LUZP2: variants seen among roughly 807,000 people sequenced by gnomAD.
LUZP2 encodes the protein leucine zipper protein 2.
In LUZP2, 52 loss-of-function variants were observed where a neutral mutation model predicts 51.6. The observed-to-expected ratio is 1.01, with a 90% CI of 0.81 to 1.27. LUZP2 has a LOEUF of 1.27. Ranked by LOEUF, LUZP2 falls within the 50% of genes most tolerant of loss-of-function variation. The pLI, the probability that LUZP2 is intolerant of heterozygous loss-of-function variation, is 0.00. For missense variants in LUZP2, 436 were observed against 395.4 expected (o/e 1.10, Z -0.87); for synonymous variants, 154 against 137.3 (o/e 1.12, Z -0.85).
intron 10 of LUZP2, among the ~76,000 whole-genome samples, chr11:25,073,360 A>G (rs1859209835): frequency 6.6e-6 from 1 of 152,100 alleles, no homozygotes; most frequent in South Asian, 2.1e-4. Context: ...GAATCTATAA[A>G]CTCATATTAT....
chr11:24,999,485 AAGAG>A (rs1856612340), intron 9 of LUZP2, among the ~76,000 whole-genome samples: 1 of 150,026 alleles, frequency 6.7e-6, no homozygotes, highest in African/African-American at 2.5e-5. Flanking sequence ...AAAGAAGAAG[AAGAG>A]AGAAAGAGAA....
chr11:24,721,013 T>C (rs570261692), intron 1 of LUZP2, among the ~76,000 whole-genome samples: 1 of 152,302 alleles, frequency 6.6e-6, no homozygotes, highest in East Asian at 1.9e-4. Context: ...AAAGCCTGAG[T>C]TGAAGCAGTT....
In LUZP2 at chr11:24,922,825, C is replaced by CTTTTTTTTTTTTTTTTTTTT. The variant is rs1277388215; in HGVS notation, c.522+8298_522+8299insTTTTTTTTTTTTTTTTTTTT. 9.0e-5 allele frequency among the ~76,000 whole-genome samples: 4 copies of CTTTTTTTTTTTTTTTTTTTT among 44,624 alleles called. 1 individual carries two copies. Among genetic ancestry groups the CTTTTTTTTTTTTTTTTTTTT allele is most frequent in the Non-Finnish European group, 2.6e-4 (4 of 15,582 alleles). 29.3% of individuals were successfully genotyped at this position (44,624 alleles called of 152,430 possible). On this transcript the variant is annotated intron_variant, in intron 7 of 11. Coordinates refer to ENST00000336930, the MANE Select transcript of LUZP2 (RefSeq NM_001009909.4). Reference sequence around the variant, plus strand: ...GGACTACCAAGTGGCACAGTTATATCTTTTTTTTTTTCTTTTTTTTTTTTT... The same window carrying CTTTTTTTTTTTTTTTTTTTT: ...GGACTACCAAGTGGCACAGTTATATCTTTTTTTTTTTTTTTTTTTTTTTTTTTTTTTCTTTTTTTTTTTTT...
chr11:24,537,624 T>C (rs1369263746), intron 1 of LUZP2, among the ~76,000 whole-genome samples: 2 of 143,054 alleles, frequency 1.4e-5, no homozygotes, highest in Non-Finnish European at 3.1e-5. Context: ...GCCCCCTTTT[T>C]TATAGCTTTT....
At chr11:24,907,505 T>C (rs145302697) in intron 6 of LUZP2, among the ~76,000 whole-genome samples, 21 of 152,238 alleles carry the variant, frequency 1.4e-4, no homozygotes, top group African/African-American at 5.1e-4. Flanking sequence ...TCTTTGTATT[T>C]TTCTATTTGA....
At chr11:25,015,943 T>TGGA (rs1238443876) in intron 9 of LUZP2, among the ~76,000 whole-genome samples, 1 of 150,278 alleles carries the variant, frequency 6.7e-6, no homozygotes, top group African/African-American at 2.5e-5. Context: ...TTTTTTGAGA[T>TGGA]GGAGTCTCTC....
chr11:24,710,653 C>A (rs2133929405), intron 1 of LUZP2, among the ~76,000 whole-genome samples: 1 of 152,260 alleles, frequency 6.6e-6, no homozygotes, highest in African/African-American at 2.4e-5. Context: ...TTTCTTTAAT[C>A]ACAACAAATT....
intron 1 of LUZP2, among the ~76,000 whole-genome samples, chr11:24,710,385 C>T (rs768465197): frequency 5.3e-5 from 8 of 151,952 alleles, no homozygotes; most frequent in Non-Finnish European, 1.0e-4. Flanking sequence ...AATATTGCTC[C>T]TATCAGTCAC....
At chr11:24,514,577 TGCAGG>T (rs1190174265) in intron 1 of LUZP2, among the ~76,000 whole-genome samples, 3 of 152,194 alleles carry the variant, frequency 2.0e-5, no homozygotes, top group Non-Finnish European at 4.4e-5. Context: ...TGTGGGGAAT[TGCAGG>T]GTACCATCGT....
At chr11:25,075,112 G>A (rs1859263285) in intron 10 of LUZP2, among the ~76,000 whole-genome samples, 1 of 152,134 alleles carries the variant, frequency 6.6e-6, no homozygotes, top group African/African-American at 2.4e-5. Flanking sequence ...AAAACAGAGT[G>A]ATTATAATAT....
chr11:24,692,996 A>C (rs867746612), intron 1 of LUZP2, among the ~76,000 whole-genome samples: 45 of 151,888 alleles, frequency 3.0e-4, no homozygotes, highest in African/African-American at 9.9e-4. Flanking sequence ...TAGATTTTAC[A>C]AAATGAGCCT....
chr11:24,646,627 T>C (rs1855469848), intron 1 of LUZP2: 1 of 982,194 alleles, frequency 1.0e-6, no homozygotes, highest in African/African-American at 1.7e-5. Flanking sequence ...TCAATGATTT[T>C]CATTCATTCC....
chr11:25,048,265 T>C (rs987880222), intron 9 of LUZP2, among the ~76,000 whole-genome samples: 1 of 152,230 alleles, frequency 6.6e-6, no homozygotes, highest in Admixed American at 6.5e-5. Context: ...TTTGCTTAAA[T>C]GTTTTCCTTC....
chr11:24,759,664 C>T (rs551957462), intron 4 of LUZP2, among the ~76,000 whole-genome samples: 4 of 152,022 alleles, frequency 2.6e-5, no homozygotes, highest in South Asian at 2.1e-4. Flanking sequence ...TTAAGTAGTT[C>T]GTGACATAAC....
intron 4 of LUZP2, among the ~76,000 whole-genome samples, chr11:24,751,129 C>T (rs1213671326): frequency 1.3e-5 from 2 of 151,960 alleles, no homozygotes; most frequent in Non-Finnish European, 2.9e-5. Context: ...ATTGTTACTA[C>T]CAAGATGAGA....
At chr11:24,902,825 A>T (rs560951993) in intron 5 of LUZP2, among the ~76,000 whole-genome samples, 98 of 152,174 alleles carry the variant, frequency 6.4e-4, no homozygotes, top group Non-Finnish European at 1.1e-3. Context: ...TCAGATCAAC[A>T]TTCAAAATTT....
intron 9 of LUZP2, among the ~76,000 whole-genome samples, chr11:24,999,799 G>A (rs546954103): frequency 6.6e-6 from 1 of 152,190 alleles, no homozygotes; most frequent in African/African-American, 2.4e-5. Flanking sequence ...CTGGTGGGTT[G>A]TTGGTCTCAC....
intron 6 of LUZP2, among the ~76,000 whole-genome samples, chr11:24,909,510 AAAC>A (rs1387778188): frequency 6.6e-6 from 1 of 151,882 alleles, no homozygotes; most frequent in East Asian, 1.9e-4. Flanking sequence ...GAAAAAAAAA[AAAC>A]AAAAGAAGAA....
At chr11:24,968,178 A>AT (rs35455546) in intron 7 of LUZP2, among the ~76,000 whole-genome samples, 2 of 151,876 alleles carry the variant, frequency 1.3e-5, no homozygotes, top group African/African-American at 2.4e-5. Flanking sequence ...TTTGATTTAG[A>AT]TTTTTTTAAG....
Sources: allele counts gnomAD v4.1 joint callset (sites outside exome capture counted in the v4.1 genomes callset), GRCh38; gene constraint gnomAD v4.1.1; transcripts MANE v1.5; gene names NCBI Gene and HGNC (gene_info 2026-07-23, HGNC 2026-07-21).